The following FAM81A variants were observed in gnomAD, a reference collection of about 807,000 sequenced individuals.
The protein encoded by FAM81A is protein FAM81A.
FAM81A carries 19 observed loss-of-function variants against 46.7 expected under a neutral mutation model. The observed-to-expected ratio is 0.41, with a 90% CI of 0.28 to 0.60. The LOEUF is 0.60. Among genes scored for constraint, FAM81A ranks in the 20% least tolerant of loss-of-function variants. The probability of loss-of-function intolerance (pLI) is 0.34; values close to 1 mark genes in which losing one functional copy is unlikely to be tolerated. For missense variants in FAM81A, 377 were observed against 453.5 expected, an observed-to-expected ratio of 0.83 and a Z score of 1.53; for synonymous variants, 183 against 152.9, an observed-to-expected ratio of 1.20 and a Z score of -1.45.
Position 59,460,351 on chromosome 15 carries a change from C to G in FAM81A, c.294+145C>G, listed in dbSNP as rs1287325925. ...TGTCTTGTCTATTCTTAATGATCGC[C>G]AAGGAGACAGCTTGCAGAAATATCC... On this transcript the variant is annotated intron_variant, in intron 3 of 8. Coordinates refer to ENST00000288228, the MANE Select transcript of FAM81A (RefSeq NM_152450.3). The surrounding 1 kb of genome is among the most constrained non-coding windows in gnomAD (Gnocchi z 4.4). 2 of 1,061,056 alleles carry G rather than the reference C, an allele frequency of 1.9e-6. No homozygotes were observed. The highest frequency in any genetic ancestry group is 2.9e-6 in the Non-Finnish European group (2 of 687,230). 65.7% of individuals were successfully genotyped at this position (1,061,056 alleles called of 1,614,324 possible).
chr15:59,442,261 G>A (rs1215327355), intron 1 of FAM81A, among the ~76,000 whole-genome samples: 1 of 152,152 alleles, frequency 6.6e-6, no homozygotes, highest in Non-Finnish European at 1.5e-5. Context: ...CCTGGCTTCT[G>A]TAATCATTTT....
intron 4 of FAM81A, among the ~76,000 whole-genome samples, chr15:59,498,453 A>T (rs371776716): frequency 6.6e-6 from 1 of 152,194 alleles, no homozygotes; most frequent in African/African-American, 2.4e-5. Context: ...CTACATACAG[A>T]TCATGCCATC....
intron 4 of FAM81A, among the ~76,000 whole-genome samples, chr15:59,506,362 G>T (rs1227204402): frequency 6.6e-6 from 1 of 152,046 alleles, no homozygotes; most frequent in Non-Finnish European, 1.5e-5. Context: ...ATGCCATGGT[G>T]GGAGTCTGTG....
At chr15:59,461,943 C>T (rs2081556464) in intron 3 of FAM81A, among the ~76,000 whole-genome samples, 1 of 152,124 alleles carries the variant, frequency 6.6e-6, no homozygotes. Flanking sequence ...GTGGCTCATG[C>T]CTGTAATCCC....
In FAM81A at chr15:59,459,989, C is replaced by A; in HGVS notation, c.77C>A (p.Ser26Tyr). Residue 26 changes from serine (S) to tyrosine (Y), a missense_variant, in exon 3 of 9, where the codon TCT becomes TAT. Coordinates refer to ENST00000288228, the MANE Select transcript of FAM81A (RefSeq NM_152450.3). ...SQSLTMAPYS[S>Y]VSLVEQLEDR... ...TCCCTGACCATGGCACCATACTCAT[C>A]TGTAAGCCTCGTGGAGCAGCTGGAA... 2.5e-6 allele frequency: 4 copies of A among 1,612,802 alleles called. No homozygotes were observed. The highest frequency in any genetic ancestry group is 3.4e-6 in the Non-Finnish European group (4 of 1,179,316).
intron 6 of FAM81A, among the ~76,000 whole-genome samples, chr15:59,511,462 GA>G (rs2082207311): frequency 6.6e-6 from 1 of 152,174 alleles, no homozygotes; most frequent in African/African-American, 2.4e-5. Context: ...TCAGATATGT[GA>G]AAGTGTTAGC....
chr15:59,465,085 A>G (rs1281533022), intron 3 of FAM81A, among the ~76,000 whole-genome samples: 1 of 152,134 alleles, frequency 6.6e-6, no homozygotes, highest in African/African-American at 2.4e-5. Flanking sequence ...TCCCTCAATG[A>G]GTATTCTTGG....
chr15:59,440,235 A>G (rs1286740356), intron 1 of FAM81A: 2 of 151,944 alleles, frequency 1.3e-5, no homozygotes, highest in African/African-American at 4.8e-5. Flanking sequence ...CTTGGTCTTT[A>G]GACTCTCTCA....
intron 1 of FAM81A, among the ~76,000 whole-genome samples, chr15:59,446,215 G>T (rs370330471): frequency 6.6e-5 from 10 of 152,318 alleles, no homozygotes; most frequent in African/African-American, 2.4e-4. Context: ...ATCCAGAAAG[G>T]TTCAAATAAC....
intron 3 of FAM81A, among the ~76,000 whole-genome samples, chr15:59,479,965 G>A (rs1415111384): frequency 6.6e-6 from 1 of 152,192 alleles, no homozygotes; most frequent in Non-Finnish European, 1.5e-5. Context: ...GCTACTTCGT[G>A]GAGAAGGATT....
chr15:59,516,984 C>G (rs1285603651), intron 8 of FAM81A, 144 bp downstream of exon 8: 1 of 788,340 alleles, frequency 1.3e-6, no homozygotes, highest in African/African-American at 1.8e-5. Flanking sequence ...AGTAGCTGTG[C>G]TGTATTTTCT....
intron 3 of FAM81A, among the ~76,000 whole-genome samples, chr15:59,479,517 A>T (rs2081820204): frequency 1.0e-5 from 1 of 100,172 alleles, no homozygotes; most frequent in Non-Finnish European, 2.0e-5. Context: ...TCTCAAAAAT[A>T]AGAAAAAAAA....
chr15:59,401,110 CT>C (rs1286544127), intron 1 of FAM81A: 5 of 602,308 alleles, frequency 8.3e-6, no homozygotes, highest in Non-Finnish European at 1.5e-5. Context: ...TAATAAATCT[CT>C]TGATGATTGC....
chr15:59,458,549 G>C lies in FAM81A; in HGVS notation c.-77-1G>C. 6.2e-7 allele frequency: 1 copy of C among 1,606,876 alleles called. No homozygotes were observed. Among genetic ancestry groups the C allele is most frequent in the Non-Finnish European group, 8.5e-7 (1 of 1,175,654 alleles). ...TAATTTAGTGCTTATTTTTTCAACA[G>C]ATGTGAATTATTAAAAAGAAAATGG... On this transcript the variant is annotated splice_acceptor_variant, in intron 1 of 8. Coordinates refer to ENST00000288228, the MANE Select transcript of FAM81A (RefSeq NM_152450.3). LOFTEE classifies it low-confidence loss of function (5UTR_SPLICE).
At chr15:59,483,063 A>G (rs1161810224) in intron 3 of FAM81A, among the ~76,000 whole-genome samples, 2 of 150,684 alleles carry the variant, frequency 1.3e-5, no homozygotes, top group Non-Finnish European at 3.0e-5. Context: ...TTTTTGACGG[A>G]GTCTTGCTCT....
intron 1 of FAM81A, among the ~76,000 whole-genome samples, chr15:59,453,427 C>T (rs2081443008): frequency 6.6e-6 from 1 of 152,182 alleles, no homozygotes; most frequent in Non-Finnish European, 1.5e-5. Context: ...CGGCCCTTCT[C>T]AAGTAAGCAG....
chr15:59,492,968 G>C (rs1034470536), intron 4 of FAM81A, among the ~76,000 whole-genome samples: 1 of 152,160 alleles, frequency 6.6e-6, no homozygotes, highest in East Asian at 1.9e-4. Flanking sequence ...ATATGCATGG[G>C]AAAGTCCGGG....
intron 4 of FAM81A, among the ~76,000 whole-genome samples, chr15:59,499,981 TAG>T (rs1243579662): frequency 2.6e-5 from 4 of 152,036 alleles, no homozygotes; most frequent in African/African-American, 9.7e-5. Flanking sequence ...GCCCCCTGTG[TAG>T]CTGGGATTAC....
Position 59,521,669 on chromosome 15 carries a change from C to T in FAM81A, c.*291C>T, listed in dbSNP as rs948857136. ...CTTCTTCATTTTACGAATGGAAAGACGACAATTTTTCTTCAATGCTTGATG... is the reference window on the plus strand; with the variant it reads ...CTTCTTCATTTTACGAATGGAAAGATGACAATTTTTCTTCAATGCTTGATG... On this transcript the variant is annotated 3_prime_UTR_variant, in exon 9 of 9. Coordinates refer to ENST00000288228, the MANE Select transcript of FAM81A (RefSeq NM_152450.3). 7 of 237,150 alleles carry T rather than the reference C, an allele frequency of 3.0e-5. No homozygotes were observed. The highest frequency in any genetic ancestry group is 1.4e-4 in the South Asian group (1 of 7,002). The allele number at this position is 237,150 out of a possible 1,614,324, so 14.7% of individuals were successfully genotyped here. A position where few individuals can be genotyped will look rare whatever the true frequency, so the allele number is the denominator to read the frequency against.
Sources: allele counts gnomAD v4.1 joint callset (sites outside exome capture counted in the v4.1 genomes callset), GRCh38; gene constraint gnomAD v4.1.1; non-coding constraint Gnocchi (gnomAD v3.1); transcripts MANE v1.5; gene names NCBI Gene and HGNC (gene_info 2026-07-23, HGNC 2026-07-21).